The following NRXN1 variants were observed in gnomAD, a reference collection of about 807,000 sequenced individuals.
The protein encoded by NRXN1 is neurexin-1.
Under a neutral mutation model 150.9 loss-of-function variants are expected in NRXN1, and 39 were observed. The observed-to-expected ratio is 0.26, with a 90% CI of 0.20 to 0.34. The LOEUF (loss-of-function observed/expected upper bound fraction) is 0.34, where lower values mean the gene tolerates loss of function less well. Ranked by LOEUF, NRXN1 falls within the 10% of genes least tolerant of loss-of-function variation. NRXN1 has a pLI of 1.00. For missense variants in NRXN1, 1,815 were observed against 1,949.9 expected (o/e 0.93, Z 1.30); for synonymous variants, 924 against 757.0 (o/e 1.22, Z -3.62).
In NRXN1 at chr2:50,166,762, T is replaced by C. The variant is rs552241538; in HGVS notation, c.3546+70027A>G. Among the ~76,000 whole-genome samples the C allele has an allele frequency of 3.3e-5, 5 of 152,282 alleles. 1 individual carries two copies. In the East Asian group the frequency reaches 9.7e-4, roughly 29 times the overall value. ...ATATATAATATCTGAGAACATTTCA[T>C]GTGAGGTCTTGTCTGAAAATTCTTC... On this transcript the variant is annotated intron_variant, in intron 18 of 22. Coordinates refer to ENST00000401669, the MANE Select transcript of NRXN1 (RefSeq NM_001330078.2).
chr2:50,744,756 T>A (rs1699820196), intron 5 of NRXN1, among the ~76,000 whole-genome samples: 1 of 152,118 alleles, frequency 6.6e-6, no homozygotes, highest in South Asian at 2.1e-4. Context: ...AATAATAAGA[T>A]TATGGTTACA....
intron 21 of NRXN1, among the ~76,000 whole-genome samples, chr2:50,014,357 T>C (rs1558694498): frequency 6.6e-6 from 1 of 152,280 alleles, no homozygotes; most frequent in East Asian, 1.9e-4. Context: ...AAACTTCATG[T>C]ATGTCCTTGT....
intron 13 of NRXN1, among the ~76,000 whole-genome samples, chr2:50,502,096 C>CCA (rs1558841836): frequency 6.6e-6 from 1 of 151,962 alleles, no homozygotes; most frequent in Non-Finnish European, 1.5e-5. Flanking sequence ...GCTTTCATTG[C>CCA]CACATTTGGA....
At chr2:50,771,079 T>G (rs985138482) in intron 5 of NRXN1, among the ~76,000 whole-genome samples, 38 of 152,068 alleles carry the variant, frequency 2.5e-4, no homozygotes, top group African/African-American at 8.9e-4. Flanking sequence ...GGAAGTGATA[T>G]TCTACTTTAG....
At chr2:49,955,570 G>A (rs1016024927) in intron 21 of NRXN1, among the ~76,000 whole-genome samples, 12 of 151,494 alleles carry the variant, frequency 7.9e-5, no homozygotes. Flanking sequence ...AGCCTACTCT[G>A]TGGAAGGGAC....
chr2:51,007,628 A>C (rs1471570579), intron 2 of NRXN1, among the ~76,000 whole-genome samples: 3 of 151,890 alleles, frequency 2.0e-5, no homozygotes, highest in African/African-American at 7.2e-5. Flanking sequence ...TTTTTGATAA[A>C]GGATAAAAGA....
At chr2:50,873,999 T>G (rs1678190693) in intron 5 of NRXN1, among the ~76,000 whole-genome samples, 1 of 151,934 alleles carries the variant, frequency 6.6e-6, no homozygotes, top group Non-Finnish European at 1.5e-5. Flanking sequence ...ATAATAATGC[T>G]GCCCAAGGGC....
At chr2:50,838,658 GAC>G (rs1672428235) in intron 5 of NRXN1, among the ~76,000 whole-genome samples, 1 of 152,168 alleles carries the variant, frequency 6.6e-6, no homozygotes, top group South Asian at 2.1e-4. Context: ...ATATTGTGAA[GAC>G]ACACCGGGAG....
chr2:50,360,939 A>G (rs1360149740), intron 17 of NRXN1, among the ~76,000 whole-genome samples: 1 of 152,238 alleles, frequency 6.6e-6, no homozygotes, highest in Non-Finnish European at 1.5e-5. Context: ...CAATCAAATT[A>G]GAACTCAGCA....
chr2:50,043,341 G>A (rs911268241), intron 21 of NRXN1, among the ~76,000 whole-genome samples: 4 of 152,168 alleles, frequency 2.6e-5, no homozygotes, highest in African/African-American at 7.2e-5. Context: ...CTTTCCTGCA[G>A]TGTCTTATCT....
At chr2:50,483,574 A>C (rs191259594) in intron 15 of NRXN1, among the ~76,000 whole-genome samples, 1 of 152,190 alleles carries the variant, frequency 6.6e-6, no homozygotes, top group Non-Finnish European at 1.5e-5. Context: ...GCAACCCTTC[A>C]CAATAGGTAG....
intron 5 of NRXN1, among the ~76,000 whole-genome samples, chr2:50,719,084 C>T (rs1041267569): frequency 6.6e-6 from 1 of 151,388 alleles, no homozygotes; most frequent in African/African-American, 2.4e-5. Flanking sequence ...CACTAAAACA[C>T]ATTCAAAGAA....
In NRXN1 at chr2:50,075,479, A is replaced by G. The variant is rs114952086; in HGVS notation, c.3718+15844T>C. On this transcript the variant is annotated intron_variant, in intron 19 of 22. Coordinates refer to ENST00000401669, the MANE Select transcript of NRXN1 (RefSeq NM_001330078.2). ...ACAGGAATAAACTGAACACCTTATC[A>G]TAATCACTAACTTAGACTGAGTCTA... is the stretch of plus-strand genomic sequence containing the variant. Among the ~76,000 whole-genome samples, 712 of 152,308 alleles carry G rather than the reference A, an allele frequency of 4.7e-3. 5 individuals are homozygous for G. Among genetic ancestry groups the G allele is most frequent in the African/African-American group, 0.016 (685 of 41,572 alleles).
chr2:50,204,229 G>T (rs895481645), intron 18 of NRXN1, among the ~76,000 whole-genome samples: 4 of 151,998 alleles, frequency 2.6e-5, no homozygotes, highest in Non-Finnish European at 5.9e-5. Flanking sequence ...AAATTTGAAA[G>T]AAATAAATGG....
chr2:50,898,460 G>A, intron 5 of NRXN1: 1 of 273,908 alleles, frequency 3.7e-6, no homozygotes, highest in Non-Finnish European at 7.2e-6. Flanking sequence ...TTTTCAAAGA[G>A]TTTTATTTTC....
intron 21 of NRXN1, among the ~76,000 whole-genome samples, chr2:49,986,290 G>T (rs368137167): frequency 3.0e-4 from 45 of 152,084 alleles, no homozygotes; most frequent in Non-Finnish European, 5.1e-4. Context: ...TGTTTATGTA[G>T]ATTACATATG....
intron 5 of NRXN1, among the ~76,000 whole-genome samples, chr2:50,677,348 G>A (rs947288662): frequency 1.3e-5 from 2 of 152,132 alleles, no homozygotes; most frequent in African/African-American, 2.4e-5. Flanking sequence ...GCTATTGAAA[G>A]ACTCTGGGAT....
chr2:51,020,575 C>T (rs1218043877), intron 2 of NRXN1, among the ~76,000 whole-genome samples: 1 of 151,972 alleles, frequency 6.6e-6, no homozygotes, highest in East Asian at 1.9e-4. Flanking sequence ...CATTTAATAT[C>T]TCCCACAAAT....
chr2:51,023,143 G>A (rs189417712), intron 2 of NRXN1, among the ~76,000 whole-genome samples: 1 of 152,284 alleles, frequency 6.6e-6, no homozygotes, highest in Admixed American at 6.5e-5. Context: ...AACAAATGAT[G>A]TTGACTGACA....
Sources: allele counts gnomAD v4.1 joint callset (sites outside exome capture counted in the v4.1 genomes callset), GRCh38; gene constraint gnomAD v4.1.1; transcripts MANE v1.5; gene names NCBI Gene and HGNC (gene_info 2026-07-23, HGNC 2026-07-21).